The following CLCN3 variants were observed in gnomAD, a reference collection of about 807,000 sequenced individuals.
CLCN3 encodes the protein H(+)/Cl(-) exchange transporter 3.
A neutral mutation model predicts 83.4 loss-of-function variants in CLCN3; 16 were observed. The ratio of observed to expected loss-of-function variants is 0.19; its 90% CI spans 0.13 to 0.29. The LOEUF is 0.29. Ranked by LOEUF, CLCN3 falls within the 10% of genes least tolerant of loss-of-function variation. The pLI is 1.00. For synonymous variants in CLCN3, 322 were observed against 346.2 expected (o/e 0.93, Z 0.78); for missense variants, 544 against 1,006.0 (o/e 0.54, Z 6.21).
At chr4:169,694,108 A>G (rs1732477363) in intron 7 of CLCN3, among the ~76,000 whole-genome samples, 1 of 152,226 alleles carries the variant, frequency 6.6e-6, no homozygotes, top group Non-Finnish European at 1.5e-5. Context: ...AGGAAAAAAA[A>G]AAGAAGCTAA....
chr4:169,624,964 G>C (rs1773195810), intron 1 of CLCN3, among the ~76,000 whole-genome samples: 1 of 151,866 alleles, frequency 6.6e-6, no homozygotes, highest in Non-Finnish European at 1.5e-5. Flanking sequence ...GCTAATTTTT[G>C]TGCTTTTATT....
intron 1 of CLCN3, among the ~76,000 whole-genome samples, chr4:169,623,240 TTTA>T (rs1773151091): frequency 6.6e-6 from 1 of 152,222 alleles, no homozygotes; most frequent in Non-Finnish European, 1.5e-5. Flanking sequence ...TTTTTATTGG[TTTA>T]TTGTTTTATC....
intron 2 of CLCN3, among the ~76,000 whole-genome samples, chr4:169,653,565 C>T (rs374677885): frequency 4.6e-5 from 6 of 129,872 alleles, no homozygotes; most frequent in South Asian, 2.5e-4. Context: ...CACTTGAACC[C>T]GGAGGGTGGA....
intron 1 of CLCN3, among the ~76,000 whole-genome samples, chr4:169,624,283 G>A (rs914861625): frequency 1.3e-5 from 2 of 152,100 alleles, no homozygotes; most frequent in South Asian, 2.1e-4. Flanking sequence ...ACAGGCACGC[G>A]CCACCACTCC....
intron 1 of CLCN3, among the ~76,000 whole-genome samples, chr4:169,627,429 C>G (rs1471232849): frequency 3.3e-5 from 5 of 152,162 alleles, no homozygotes; most frequent in Admixed American, 6.5e-5. Context: ...GTATGTACCT[C>G]TCCTGTGATG....
chr4:169,690,564 A>T lies in CLCN3; in HGVS notation c.641A>T (p.Tyr214Phe), dbSNP rs1287533439. The change falls in exon 6 of 13, where the codon TAC becomes TTC. Residue 214 changes from tyrosine to phenylalanine, a missense_variant. Tyr to Phe is a conservative substitution (Grantham distance 22). Transcript: ENST00000513761. ...PGSYIMNYIM[Y>F]IFWALSFAFL... Reference sequence around the variant, plus strand: ...TCTTATATCATGAACTACATAATGTACATCTTCTGGGCCTTGAGTTTTGCC... The same window carrying T: ...TCTTATATCATGAACTACATAATGTTCATCTTCTGGGCCTTGAGTTTTGCC... The T allele has an allele frequency of 6.2e-7, 1 of 1,613,840 alleles. No individual in the cohort carries two copies. Among genetic ancestry groups the T allele is most frequent in the South Asian group, 1.1e-5 (1 of 91,066 alleles).
intron 2 of CLCN3, among the ~76,000 whole-genome samples, chr4:169,656,205 C>T (rs978502286): frequency 1.3e-5 from 2 of 152,098 alleles, no homozygotes; most frequent in African/African-American, 2.4e-5. Flanking sequence ...TAAAGAAATA[C>T]GTGAGACTGG....
At chr4:169,649,333 T>G (rs1318974682) in intron 2 of CLCN3, among the ~76,000 whole-genome samples, 1 of 152,024 alleles carries the variant, frequency 6.6e-6, no homozygotes, top group East Asian at 1.9e-4. Context: ...TCCCCAAGAG[T>G]GGTGGGAAAC....
intron 3 of CLCN3, among the ~76,000 whole-genome samples, chr4:169,684,412 G>A (rs1732071674): frequency 1.3e-5 from 2 of 152,060 alleles, no homozygotes; most frequent in Non-Finnish European, 2.9e-5. Context: ...TGTCTTCATG[G>A]ACTCATGGAT....
Position 169,635,960 on chromosome 4 carries a change from A to G in CLCN3, c.32A>G (p.Tyr11Cys), listed in dbSNP as rs1553965256. 3 of 1,611,504 alleles carry G rather than the reference A, an allele frequency of 1.9e-6. No individual in the cohort carries two copies. The highest frequency in any genetic ancestry group is 2.2e-5 in the East Asian group (1 of 44,728). ...TCTGAGCAGCTGTTCCATAGAGGCTACTATAGAAACAGCTACAACAGTATA... is the reference window on the plus strand; with the variant it reads ...TCTGAGCAGCTGTTCCATAGAGGCTGCTATAGAAACAGCTACAACAGTATA... MESEQLFHRGYYRNSYNSITS... is the reference protein window; with the variant it reads MESEQLFHRGCYRNSYNSITS... The change falls in exon 2 of 13, where the codon TAC becomes TGC. Residue 11 changes from tyrosine (Y) to cysteine (C), a missense_variant. Physicochemically the swap from Tyr to Cys is radical, Grantham distance 194 (BLOSUM62 -2). This residue lies in a region of CLCN3 where 77 missense variants were observed against 92.8 expected (regional missense o/e 0.83). Coordinates refer to ENST00000513761, the MANE Select transcript of CLCN3 (RefSeq NM_001829.4).
At chr4:169,627,576 A>G (rs894683604) in intron 1 of CLCN3, among the ~76,000 whole-genome samples, 3 of 152,106 alleles carry the variant, frequency 2.0e-5, no homozygotes, top group African/African-American at 4.8e-5. Context: ...AATGATTATC[A>G]AATAAATTAA....
At chr4:169,683,378 C>G (rs1457645093) in intron 3 of CLCN3, among the ~76,000 whole-genome samples, 1 of 152,132 alleles carries the variant, frequency 6.6e-6, no homozygotes, top group African/African-American at 2.4e-5. Context: ...GCCTATAGTC[C>G]TAGCTACTCG....
intron 11 of CLCN3, among the ~76,000 whole-genome samples, chr4:169,711,659 T>C (rs1260361142): frequency 6.6e-6 from 1 of 152,114 alleles, no homozygotes; most frequent in Admixed American, 6.6e-5. Context: ...CTGATCATGC[T>C]TTTAAGGTGG....
intron 3 of CLCN3, among the ~76,000 whole-genome samples, chr4:169,682,324 C>G (rs923126238): frequency 6.6e-6 from 1 of 152,122 alleles, no homozygotes; most frequent in Admixed American, 6.5e-5. Context: ...GTGATAGATA[C>G]AAGTTTCCTA....
chr4:169,705,726 T>C (rs1194554150), intron 10 of CLCN3, among the ~76,000 whole-genome samples: 1 of 152,154 alleles, frequency 6.6e-6, no homozygotes, highest in African/African-American at 2.4e-5. Flanking sequence ...TTCAGCTTAA[T>C]ACAGTATGAA....
At chr4:169,660,965 T>G (rs1298006636) in intron 2 of CLCN3, among the ~76,000 whole-genome samples, 2 of 152,230 alleles carry the variant, frequency 1.3e-5, no homozygotes, top group Non-Finnish European at 2.9e-5. Flanking sequence ...ATAATTTCTA[T>G]ATTAATACTT....
At chr4:169,660,921 A>G (rs1731035546) in intron 2 of CLCN3, among the ~76,000 whole-genome samples, 1 of 152,178 alleles carries the variant, frequency 6.6e-6, no homozygotes. Context: ...CTTTACCTAC[A>G]TTTTAGAACA....
intron 12 of CLCN3, among the ~76,000 whole-genome samples, chr4:169,714,321 G>A (rs1733343497): frequency 2.6e-5 from 4 of 151,346 alleles, no homozygotes; most frequent in Admixed American, 6.6e-5. Context: ...AAAACACATT[G>A]GTGACAGAAT....
chr4:169,649,611 C>T (rs1730677321), intron 2 of CLCN3, among the ~76,000 whole-genome samples: 1 of 152,186 alleles, frequency 6.6e-6, no homozygotes, highest in Admixed American at 6.5e-5. Context: ...GTATTTCTAG[C>T]ACATGCAGTT....
Sources: gnomAD v4.1 joint callset for allele counts (sites outside exome capture counted in the v4.1 genomes callset) on GRCh38, gnomAD v4.1.1 for gene constraint, gnomAD v4.1.1 regional missense constraint, MANE v1.5 for transcripts, NCBI Gene and HGNC (gene_info 2026-07-23, HGNC 2026-07-21) for gene names.